Variants in SGPL1 observed in about 807,000 individuals in gnomAD.
SGPL1 encodes SP-lyase 1.
A neutral mutation model predicts 68.9 loss-of-function variants in SGPL1; 37 were observed. The observed-to-expected ratio is 0.54, with a 90% confidence interval of 0.41 to 0.71. SGPL1 has a LOEUF of 0.71. Among genes scored for constraint, SGPL1 ranks in the 30% least tolerant of loss-of-function variants. SGPL1 has a pLI of 0.00. For synonymous variants in SGPL1, 236 were observed against 248.5 expected, an observed-to-expected ratio of 0.95 and a Z score of 0.47; for missense variants, 551 against 704.6, an observed-to-expected ratio of 0.78 and a Z score of 2.47.
rs1387251344 is a variant in SGPL1 at position 70,868,357 on chromosome 10, G to A, written c.628G>A (p.Gly210Arg). The A allele has an allele frequency of 6.2e-7, 1 of 1,611,542 alleles. No individual in the cohort carries two copies. Among genetic ancestry groups the A allele is most frequent in the Non-Finnish European group, 8.5e-7 (1 of 1,178,736 alleles). The part of the protein sequence containing the change: ...PDSCGCVTSG[G>R]TESILMACKA... ...TTCTTTATTATAGGTGACTTCTGGG[G>A]GAACAGAAAGCATACTGATGGCCTG... Residue 210 changes from glycine (G) to arginine (R), a missense_variant, in exon 8 of 15, where the codon GGA becomes AGA. Gly to Arg is a moderately radical substitution (Grantham distance 125). Coordinates refer to ENST00000373202, the MANE Select transcript of SGPL1 (RefSeq NM_003901.4).
intron 12 of SGPL1, among the ~76,000 whole-genome samples, 163 bp from the exon 13 acceptor site, chr10:70,875,238 TC>T (rs1161770091): frequency 6.6e-6 from 1 of 152,192 alleles, no homozygotes; most frequent in African/African-American, 2.4e-5. Context: ...GAACCACTGA[TC>T]CAGTGTAGCC....
chr10:70,871,003 A>C (rs761048383), intron 9 of SGPL1, 45 bp from the exon 10 acceptor site: 1 of 1,535,312 alleles, frequency 6.5e-7, no homozygotes. Context: ...GAGAAGAGTA[A>C]TTGTGACATA....
At chr10:70,861,502 C>G (rs368226143) in intron 7 of SGPL1, among the ~76,000 whole-genome samples, 2 of 152,164 alleles carry the variant, frequency 1.3e-5, no homozygotes, top group African/African-American at 2.4e-5. Flanking sequence ...AGCCCTCGCT[C>G]GCTCTCGGCG....
rs144887681 is a variant in SGPL1, at chr10:70,859,495, G to A, written c.611G>A (p.Gly204Glu). Reference protein sequence around the residue: ...SLFNGGPDSCGCVTSGGTESI... With the variant: ...SLFNGGPDSCECVTSGGTESI... ...TTCAATGGGGGACCAGATTCGTGTGGATGTGTAAGTATATGCAAGGGGCAT... is the reference window on the plus strand; with the variant it reads ...TTCAATGGGGGACCAGATTCGTGTGAATGTGTAAGTATATGCAAGGGGCAT... The change falls in exon 7 of 15, where the codon GGA (glycine) becomes GAA (glutamate). Residue 204 changes from glycine to glutamate, a missense_variant. By Grantham distance (98) the Gly-to-Glu change is moderately conservative. Transcript: ENST00000373202. The A allele has an allele frequency of 4.0e-6, 6 of 1,517,516 alleles. No individual in the cohort carries two copies. Among genetic ancestry groups the A allele is most frequent in the Non-Finnish European group, 5.3e-6 (6 of 1,128,962 alleles). 94.0% of individuals were successfully genotyped at this position (1,517,516 alleles called of 1,614,324 possible). A position where few individuals can be genotyped will look rare whatever the true frequency, so the allele number is the denominator to read the frequency against.
At chr10:70,850,215 G>A (rs1456729848) in intron 3 of SGPL1, among the ~76,000 whole-genome samples, 3 of 152,038 alleles carry the variant, frequency 2.0e-5, no homozygotes, top group Non-Finnish European at 4.4e-5. Flanking sequence ...GGGTCTCACT[G>A]TGTTGCCCAG....
intron 2 of SGPL1, among the ~76,000 whole-genome samples, chr10:70,842,029 G>A (rs571867306): frequency 2.0e-5 from 3 of 152,104 alleles, no homozygotes; most frequent in Non-Finnish European, 4.4e-5. Flanking sequence ...TTTTATTGCT[G>A]TTGTTTGTAA....
Position 70,847,997 on chromosome 10 carries a change from G to T in SGPL1, c.194-3146G>T, listed in dbSNP as rs146300643. The stretch of plus-strand genomic sequence containing the variant: ...GGCATGAACTGTGCTGGGGTTAGCA[G>T]CCTCTTCCTTAATTCTGCCTCTGTG... On this transcript the variant is annotated intron_variant, in intron 3 of 14. Transcript: ENST00000373202. Among the ~76,000 whole-genome samples the T allele has an allele frequency of 2.0e-3, 307 of 152,318 alleles. 1 individual carries two copies. The highest frequency in any genetic ancestry group is 7.1e-3 in the African/African-American group (297 of 41,554).
At position 70,878,559 on chromosome 10, in the gene SGPL1, C is replaced by G. The variant is rs1456972713; in HGVS notation, c.*1224C>G. On this transcript the variant is annotated 3_prime_UTR_variant, in exon 15 of 15. Coordinates refer to ENST00000373202, the MANE Select transcript of SGPL1 (RefSeq NM_003901.4). Reference sequence around the variant, plus strand: ...TGAATATCAGAGTAGGATGAACACCCAGATTCAAATATGTCACCAAAGTTG... The same window carrying G: ...TGAATATCAGAGTAGGATGAACACCGAGATTCAAATATGTCACCAAAGTTG... 6.6e-6 allele frequency: 1 copy of G among 152,192 alleles called. No individual in the cohort carries two copies. Among genetic ancestry groups the G allele is most frequent in the African/African-American group, 2.4e-5 (1 of 41,432 alleles). 9.4% of individuals were successfully genotyped at this position (152,192 alleles called of 1,614,324 possible).
chr10:70,816,847 G>A lies in SGPL1; in HGVS notation c.-7G>A. ...GGGGAGCGCGGAGAGGAGGCTGGAA[G>A]AGGAAGATGCCTAGCACAGACCTTC... On this transcript the variant is annotated 5_prime_UTR_variant, in exon 2 of 15. Transcript: ENST00000373202. The A allele has an allele frequency of 6.2e-7, 1 of 1,614,024 alleles. No homozygotes were observed. Among genetic ancestry groups the A allele is most frequent in the Non-Finnish European group, 8.5e-7 (1 of 1,179,888 alleles).
At chr10:70,852,387 T>C (rs1450751838) in intron 4 of SGPL1, among the ~76,000 whole-genome samples, 1 of 152,214 alleles carries the variant, frequency 6.6e-6, no homozygotes, top group Non-Finnish European at 1.5e-5. Context: ...GGCTTCTGTT[T>C]GCTCTCCAAA....
rs1341813998 is a variant in SGPL1 at position 70,878,276 on chromosome 10, G to A, written c.*941G>A. On this transcript the variant is annotated 3_prime_UTR_variant, in exon 15 of 15. Coordinates refer to ENST00000373202, the MANE Select transcript of SGPL1 (RefSeq NM_003901.4). ...CATACCTGCTTCGTCCACCCAGGCA[G>A]GGTTTGGGGTGGTCTCTTCTGTGCC... The A allele has an allele frequency of 6.6e-6, 1 of 152,258 alleles. No homozygotes were observed. The highest frequency in any genetic ancestry group is 2.4e-5 in the African/African-American group (1 of 41,460). 9.4% of individuals were successfully genotyped at this position (152,258 alleles called of 1,614,324 possible).
rs765579152 is a variant in SGPL1 at position 70,875,444 on chromosome 10, A to T, written c.1341A>T (p.Gln447His). 2.5e-6 allele frequency: 4 copies of T among 1,612,312 alleles called. No homozygotes were observed. The highest frequency in any genetic ancestry group is 1.3e-5 in the African/African-American group (1 of 74,890). The change falls in exon 13 of 15, where the codon CAA becomes CAT. Residue 447 changes from glutamine (Q) to histidine (H), a missense_variant. Coordinates refer to ENST00000373202, the MANE Select transcript of SGPL1 (RefSeq NM_003901.4). ...GCATCTTTGTTTTTGGGAATCCCCA[A>T]TTGTCAGTCATTGCTCTGGGATCCC... is the stretch of plus-strand genomic sequence containing the variant. The part of the protein sequence containing the change: ...IKGIFVFGNP[Q>H]LSVIALGSRD...
intron 6 of SGPL1, among the ~76,000 whole-genome samples, chr10:70,858,520 TTA>T: frequency 6.6e-6 from 1 of 152,218 alleles, no homozygotes; most frequent in Non-Finnish European, 1.5e-5. Flanking sequence ...TGTTTGATTA[TTA>T]TAAATATGAA....
At chr10:70,869,932 G>T (rs1465111983) in intron 9 of SGPL1, 35 bp downstream of exon 9, 4 of 1,558,148 alleles carry the variant, frequency 2.6e-6, no homozygotes, top group African/African-American at 1.4e-5. Context: ...GTCTGTGCTG[G>T]GCCCTGACAG....
chr10:70,875,864 C>CT (rs1846375327), intron 13 of SGPL1, among the ~76,000 whole-genome samples: 1 of 152,180 alleles, frequency 6.6e-6, no homozygotes, highest in South Asian at 2.1e-4. Context: ...TTATAAAATA[C>CT]TTGTTACCTG....
intron 8 of SGPL1, among the ~76,000 whole-genome samples, chr10:70,868,744 G>T (rs1409223950): frequency 6.6e-6 from 1 of 151,390 alleles, no homozygotes; most frequent in Non-Finnish European, 1.5e-5. Context: ...TTTGAATCCT[G>T]TGATATTTGC....
rs1313848121 is a variant in SGPL1 at position 70,851,230 on chromosome 10, G to A, written c.261+20G>A. 6 of 1,586,220 alleles carry A rather than the reference G, an allele frequency of 3.8e-6. No homozygotes were observed. Among genetic ancestry groups the A allele is most frequent in the Non-Finnish European group, 4.3e-6 (5 of 1,154,972 alleles). ...CGTAAGGTAAGTAGAATCTGTGTATGTCATTTTTTCCCCTCTTGATAATCA... is the reference window on the plus strand; with the variant it reads ...CGTAAGGTAAGTAGAATCTGTGTATATCATTTTTTCCCCTCTTGATAATCA... On this transcript the variant is annotated intron_variant, in intron 4 of 14. Transcript: ENST00000373202.
Position 70,877,611 on chromosome 10 carries a change from C to T in SGPL1, c.*276C>T, listed in dbSNP as rs545632843. 7.1e-5 allele frequency: 26 copies of T among 366,310 alleles called. No homozygotes were observed. The Admixed American group carries it at 9.0e-4, about 13-fold the overall frequency. The allele number at this position is 366,310 out of a possible 1,614,324, so 22.7% of individuals were successfully genotyped here. ...TGTTTTAACCATTTCCTTTTCTAAA[C>T]TCTCTAGCTTTCAACTTTACTTAAA... On this transcript the variant is annotated 3_prime_UTR_variant, in exon 15 of 15. Transcript: ENST00000373202.
intron 13 of SGPL1, 32 bp downstream of exon 13, chr10:70,875,580 T>G (rs748877990): frequency 1.3e-6 from 2 of 1,581,256 alleles, no homozygotes; most frequent in African/African-American, 1.4e-5. Context: ...TCCCTTATTT[T>G]GCTCCATGAT....
Sources: allele counts gnomAD v4.1 joint callset (sites outside exome capture counted in the v4.1 genomes callset), GRCh38; gene constraint gnomAD v4.1.1; transcripts MANE v1.5; gene names NCBI Gene and HGNC (gene_info 2026-07-23, HGNC 2026-07-21).